Variants in RSRP1 observed in about 807,000 individuals in gnomAD.
The protein encoded by RSRP1 is arginine/serine-rich protein 1.
A neutral mutation model predicts 33.0 loss-of-function variants in RSRP1; 37 were observed. The ratio of observed to expected loss-of-function variants is 1.12; its 90% CI spans 0.86 to 1.48. The LOEUF is 1.48. RSRP1 is among the 40% of genes most tolerant of loss of function. The pLI, the probability that RSRP1 is intolerant of heterozygous loss-of-function variation, is 0.00. For synonymous variants in RSRP1, 167 were observed against 158.7 expected (o/e 1.05, Z -0.40); for missense variants, 402 against 385.3 (o/e 1.04, Z -0.36).
chr1:25,322,489 G>A lies in RSRP1; in HGVS notation c.-67+15489C>T, dbSNP rs376458171. 1.5e-5 allele frequency among the ~76,000 whole-genome samples: 2 copies of A among 132,322 alleles called. 1 individual carries two copies. The highest frequency in any genetic ancestry group is 4.6e-4 in the South Asian group (2 of 4,314). 86.8% of individuals were successfully genotyped at this position (132,322 alleles called of 152,430 possible). On this transcript the variant is annotated intron_variant, in intron 1 of 1. Transcript: ENST00000561867. ...GGAGTTCGAGACCAGCCTGGCCAAC[G>A]TGTCGAAACCCCATCTCTACTAAAA...
Position 25,271,642 on chromosome 1 carries a change from G to A in RSRP1, c.-66-24613C>T, listed in dbSNP as rs1419203574. On this transcript the variant is annotated intron_variant, in intron 1 of 1. Transcript: ENST00000561867. ...CAGACCTTCTGCCAGGCACATGGAT[G>A]GGAGCACAGGGGAAGTTGGCTGCAG... Among the ~76,000 whole-genome samples the A allele has an allele frequency of 1.5e-5, 2 of 132,726 alleles. 1 individual carries two copies. The highest frequency in any genetic ancestry group is 5.1e-5 in the African/African-American group (2 of 38,932). 87.1% of individuals were successfully genotyped at this position (132,726 alleles called of 152,430 possible).
chr1:25,282,541 T>C (rs1238539799), intron 1 of RSRP1, among the ~76,000 whole-genome samples: 1 of 131,990 alleles, frequency 7.6e-6, no homozygotes, highest in African/African-American at 2.6e-5. Context: ...GGCAATTTAG[T>C]GAGGTTTAAT....
At chr1:25,243,899 C>G in intron 3 of RSRP1, 2 of 1,204,834 alleles carry the variant, frequency 1.7e-6, no homozygotes, top group Non-Finnish European at 2.1e-6. Flanking sequence ...CAGGTTGAAT[C>G]AAGTTCACTT....
chr1:25,276,312 T>C lies in RSRP1; in HGVS notation c.-66-29283A>G, dbSNP rs1423432014. On this transcript the variant is annotated intron_variant, in intron 1 of 1. Transcript: ENST00000561867. ...GTACAGAAGGATTATAGAAACAAGATTGGTCTCATGTGACAATCATCAGAG... is the reference window on the plus strand; with the variant it reads ...GTACAGAAGGATTATAGAAACAAGACTGGTCTCATGTGACAATCATCAGAG... Among the ~76,000 whole-genome samples the C allele has an allele frequency of 3.1e-5, 4 of 128,612 alleles. 1 individual carries two copies. Among genetic ancestry groups the C allele is most frequent in the African/African-American group, 1.1e-4 (4 of 37,368 alleles). The allele number at this position is 128,612 out of a possible 152,430, so 84.4% of individuals were successfully genotyped here. A position where few individuals can be genotyped will look rare whatever the true frequency, so the allele number is the denominator to read the frequency against.
intron 1 of RSRP1, among the ~76,000 whole-genome samples, chr1:25,270,608 G>T (rs955425794): frequency 2.3e-5 from 3 of 131,950 alleles, no homozygotes; most frequent in Non-Finnish European, 5.4e-5. Context: ...CCCGTCCCTG[G>T]TGCCAAAAAG....
chr1:25,252,029 T>A (rs1277258497), upstream of RSRP1, among the ~76,000 whole-genome samples: 6 of 151,762 alleles, frequency 4.0e-5, no homozygotes, highest in Admixed American at 1.3e-4. Flanking sequence ...CAGCTGGGAG[T>A]ACAGGTGCAC....
chr1:25,307,709 T>C lies in RSRP1; in HGVS notation c.-67+30269A>G, dbSNP rs1348184493. 2.3e-6 allele frequency: 3 copies of C among 1,308,580 alleles called. 1 individual carries two copies. The Admixed American group carries it at 6.3e-5, about 28-fold the overall frequency. The allele number at this position is 1,308,580 out of a possible 1,614,324, so 81.1% of individuals were successfully genotyped here. On this transcript the variant is annotated intron_variant, in intron 1 of 1. Coordinates refer to the RSRP1 transcript ENST00000561867. ...GCAGGTGATGAGGAGCTGATGCGTT[T>C]GGACGTGTCTCAGAGAAATCATGGA... is the stretch of plus-strand genomic sequence containing the variant.
intron 1 of RSRP1, among the ~76,000 whole-genome samples, chr1:25,287,385 G>A (rs1156236894): frequency 5.9e-5 from 8 of 135,400 alleles, no homozygotes; most frequent in Non-Finnish European, 1.2e-4. Context: ...GAAGTCACTC[G>A]CAGCCTGAGT....
chr1:25,243,213 C>G (rs1352909938), intron 4 of RSRP1, among the ~76,000 whole-genome samples: 2 of 152,178 alleles, frequency 1.3e-5, no homozygotes, highest in Non-Finnish European at 2.9e-5. Flanking sequence ...ACACAAGATA[C>G]ACAAGGTATA....
At chr1:25,260,708 G>A (rs1055560458) in intron 1 of RSRP1, among the ~76,000 whole-genome samples, 8 of 152,144 alleles carry the variant, frequency 5.3e-5, no homozygotes, top group Non-Finnish European at 7.3e-5. Context: ...GGTTTCTGGT[G>A]AGACCTCTCT....
rs1638916596 is a variant in RSRP1, at chr1:25,242,493, AC to A, written c.*95del. ...TGTGTTGGTTTTTAAATGCACAAGT[AC>A]CCCTGAATGGCTCAAAGGGATGGGA... On this transcript the variant is annotated 3_prime_UTR_variant, in exon 5 of 5. Transcript: ENST00000243189. 8.6e-6 allele frequency: 6 copies of A among 697,898 alleles called. No individual in the cohort carries two copies. In the South Asian group the frequency reaches 1.2e-4, roughly 14 times the overall value. 43.2% of individuals were successfully genotyped at this position (697,898 alleles called of 1,614,324 possible). A position where few individuals can be genotyped will look rare whatever the true frequency, so the allele number is the denominator to read the frequency against.
In RSRP1 at chr1:25,257,106, GT is replaced by G. The variant is rs1474663200; in HGVS notation, c.-66-10078del. The stretch of plus-strand genomic sequence containing the variant: ...GTGGAACAGCTAGGTCGAAGGAGCT[GT>G]GTCATTTAATACACTTCAGTATTGC... On this transcript the variant is annotated intron_variant, in intron 1 of 1. Transcript: ENST00000561867. 3.9e-5 allele frequency among the ~76,000 whole-genome samples: 6 copies of G among 152,304 alleles called. No individual in the cohort carries two copies. The East Asian group carries it at 1.2e-3, about 29-fold the overall frequency.
chr1:25,328,956 C>G (rs1644916219), intron 1 of RSRP1: 1 of 1,320,378 alleles, frequency 7.6e-7, no homozygotes, highest in Non-Finnish European at 1.1e-6. Flanking sequence ...AAGGCCTGTT[C>G]AAAAACAAGA....
rs1417823286 is a variant in RSRP1, at chr1:25,269,337, T to C, written c.-66-22308A>G. 2.3e-5 allele frequency among the ~76,000 whole-genome samples: 3 copies of C among 132,804 alleles called. 1 individual carries two copies. Among genetic ancestry groups the C allele is most frequent in the Admixed American group, 7.3e-5 (1 of 13,694 alleles). 87.1% of individuals were successfully genotyped at this position (132,804 alleles called of 152,430 possible). Reference sequence around the variant, plus strand: ...AACTCTAAGCGCGGCTTCCACTGCATGTGTGTTGCTTTCGCGCCATCATAA... The same window carrying C: ...AACTCTAAGCGCGGCTTCCACTGCACGTGTGTTGCTTTCGCGCCATCATAA... On this transcript the variant is annotated intron_variant, in intron 1 of 1. Transcript: ENST00000561867.
At chr1:25,254,870 G>A (rs1419168328) in intron 1 of RSRP1, among the ~76,000 whole-genome samples, 1 of 152,216 alleles carries the variant, frequency 6.6e-6, no homozygotes, top group Non-Finnish European at 1.5e-5. Context: ...ATTACTGGTA[G>A]TGTCACTACA....
Position 25,270,452 on chromosome 1 carries a change from T to A in RSRP1, c.-66-23423A>T, listed in dbSNP as rs1427663493. Among the ~76,000 whole-genome samples, 4 of 130,908 alleles carry A rather than the reference T, an allele frequency of 3.1e-5. 2 individuals carry two copies. The highest frequency in any genetic ancestry group is 7.2e-5 in the Non-Finnish European group (4 of 55,432). 85.9% of individuals were successfully genotyped at this position (130,908 alleles called of 152,430 possible). A position where few individuals can be genotyped will look rare whatever the true frequency, so the allele number is the denominator to read the frequency against. Reference sequence around the variant, plus strand: ...GATTCTCATAGGGGCACAAACCCTATTGGGAACCGCGCATGAGAGGGATCT... The same window carrying A: ...GATTCTCATAGGGGCACAAACCCTAATGGGAACCGCGCATGAGAGGGATCT... On this transcript the variant is annotated intron_variant, in intron 1 of 1. Coordinates refer to the RSRP1 transcript ENST00000561867.
intron 1 of RSRP1, chr1:25,272,567 G>C (rs777840871): frequency 6.3e-7 from 1 of 1,582,768 alleles, no homozygotes; most frequent in Non-Finnish European, 8.6e-7. Context: ...AAGTACCCGC[G>C]GTCTGTCCGG....
intron 1 of RSRP1, among the ~76,000 whole-genome samples, chr1:25,258,352 G>T (rs146190781): frequency 2.0e-5 from 3 of 152,154 alleles, no homozygotes; most frequent in African/African-American, 7.2e-5. Flanking sequence ...GCTAATTTTT[G>T]TATTTTTTGT....
intron 1 of RSRP1, among the ~76,000 whole-genome samples, chr1:25,305,448 G>A (rs1571686951): frequency 9.8e-6 from 1 of 101,764 alleles, no homozygotes; most frequent in East Asian, 2.2e-4. Context: ...CCAGGCTGGA[G>A]TGCAGTGGTG....
Sources: allele counts gnomAD v4.1 joint callset (sites outside exome capture counted in the v4.1 genomes callset), GRCh38; gene constraint gnomAD v4.1.1; transcripts MANE v1.5; gene names NCBI Gene and HGNC (gene_info 2026-07-23, HGNC 2026-07-21).